NUMB: variants seen among roughly 807,000 people sequenced by gnomAD.
NUMB encodes the protein protein numb homolog.
In NUMB, 29 loss-of-function variants were observed where a neutral mutation model predicts 59.7. The ratio of observed to expected loss-of-function variants is 0.49; its 90% CI spans 0.36 to 0.66. The LOEUF (loss-of-function observed/expected upper bound fraction) is 0.66. Ranked by LOEUF, NUMB falls within the 30% of genes least tolerant of loss-of-function variation. The probability of loss-of-function intolerance (pLI) is 0.00; values close to 1 mark genes in which losing one functional copy is unlikely to be tolerated. For synonymous variants in NUMB, 288 were observed against 288.2 expected (o/e 1.00, Z 0.01); for missense variants, 723 against 822.0 (o/e 0.88, Z 1.47).
chr14:73,331,078 G>A (rs1344866689), intron 4 of NUMB, among the ~76,000 whole-genome samples: 1 of 151,512 alleles, frequency 6.6e-6, no homozygotes, highest in Non-Finnish European at 1.5e-5. Context: ...CTCTTCTATG[G>A]TCTATTATCT....
chr14:73,401,991 T>C (rs944008399), intron 2 of NUMB, among the ~76,000 whole-genome samples: 1 of 152,150 alleles, frequency 6.6e-6, no homozygotes. Flanking sequence ...CCTTCGTGAG[T>C]AGCTAGGACC....
chr14:73,446,444 A>G (rs1158503506), intron 1 of NUMB, among the ~76,000 whole-genome samples: 1 of 151,832 alleles, frequency 6.6e-6, no homozygotes, highest in African/African-American at 2.4e-5. Flanking sequence ...CGTCTCTACT[A>G]AAAAATACAA....
intron 8 of NUMB, among the ~76,000 whole-genome samples, chr14:73,291,850 A>AT (rs1258025317): frequency 6.7e-6 from 1 of 148,902 alleles, no homozygotes; most frequent in Admixed American, 6.7e-5. Context: ...CGCCCAGCTA[A>AT]TTTTTTTGTA....
chr14:73,352,452 A>C (rs1893361098), intron 4 of NUMB, among the ~76,000 whole-genome samples: 1 of 34,094 alleles, frequency 2.9e-5, no homozygotes, highest in African/African-American at 1.9e-4. Flanking sequence ...ACACACACAC[A>C]CACACATACA....
chr14:73,375,320 T>A (rs914569811), intron 2 of NUMB, among the ~76,000 whole-genome samples: 1 of 152,180 alleles, frequency 6.6e-6, no homozygotes, highest in African/African-American at 2.4e-5. Context: ...GTTTATTACT[T>A]CTTTTATATT....
At chr14:73,367,111 G>C (rs1232811615) in intron 2 of NUMB, 130 bp from the exon 3 acceptor site, 3 of 151,528 alleles carry the variant, frequency 2.0e-5, no homozygotes. Context: ...CATAAAACAA[G>C]ACTTTATTAT....
intron 7 of NUMB, among the ~76,000 whole-genome samples, chr14:73,293,533 A>G (rs1889549164): frequency 6.6e-6 from 1 of 151,626 alleles, no homozygotes; most frequent in Admixed American, 6.6e-5. Flanking sequence ...CTGGGACTAC[A>G]GGCGTGTGCC....
At chr14:73,384,725 G>A (rs1052521827) in intron 2 of NUMB, among the ~76,000 whole-genome samples, 3 of 117,390 alleles carry the variant, frequency 2.6e-5, no homozygotes, top group Non-Finnish European at 5.1e-5. Flanking sequence ...GTGCCACCAC[G>A]CCTGGCTTTT....
At chr14:73,383,912 G>A (rs900440259) in intron 2 of NUMB, among the ~76,000 whole-genome samples, 1 of 151,966 alleles carries the variant, frequency 6.6e-6, no homozygotes, top group African/African-American at 2.4e-5. Flanking sequence ...GCTACTGGGA[G>A]GGGCTGAGGC....
At chr14:73,281,714 T>A (rs1043155947) in intron 11 of NUMB, among the ~76,000 whole-genome samples, 1 of 152,252 alleles carries the variant, frequency 6.6e-6, no homozygotes, top group Non-Finnish European at 1.5e-5. Flanking sequence ...ACACTTGTTA[T>A]AGAAGATGAA....
At chr14:73,310,644 T>C (rs1230489088) in intron 6 of NUMB, among the ~76,000 whole-genome samples, 2 of 152,236 alleles carry the variant, frequency 1.3e-5, no homozygotes. Flanking sequence ...TCTCTGAGCT[T>C]CTGTTTATTC....
At chr14:73,352,459 T>TACACACACACACACACACACACACATAC (rs60134093) in intron 4 of NUMB, among the ~76,000 whole-genome samples, 3 of 19,502 alleles carry the variant, frequency 1.5e-4, no homozygotes, top group Non-Finnish European at 2.6e-4. Context: ...CACACACACA[T>TACACACACACACACACACACACACATAC]ACACACACAC....
At chr14:73,374,179 A>AT (rs968024966) in intron 2 of NUMB, among the ~76,000 whole-genome samples, 8 of 151,574 alleles carry the variant, frequency 5.3e-5, no homozygotes, top group African/African-American at 1.5e-4. Flanking sequence ...CGCTCAGCTA[A>AT]TTTTTTTTTA....
intron 2 of NUMB, among the ~76,000 whole-genome samples, chr14:73,378,685 G>A (rs1324456970): frequency 6.6e-6 from 1 of 152,162 alleles, no homozygotes; most frequent in Non-Finnish European, 1.5e-5. Flanking sequence ...CCAACTACAT[G>A]ACATTTTGGA....
At chr14:73,388,530 A>T (rs1416104820) in intron 2 of NUMB, among the ~76,000 whole-genome samples, 1 of 152,166 alleles carries the variant, frequency 6.6e-6, no homozygotes, top group East Asian at 1.9e-4. Flanking sequence ...AGCTAGGCTT[A>T]TGGCTGATCT....
chr14:73,422,234 T>C (rs571594301), intron 1 of NUMB, among the ~76,000 whole-genome samples: 1 of 152,270 alleles, frequency 6.6e-6, no homozygotes, highest in Non-Finnish European at 1.5e-5. Flanking sequence ...TTGTGGGATG[T>C]CAGGCACTCC....
At chr14:73,377,648 AAAC>A (rs374834634) in intron 2 of NUMB, among the ~76,000 whole-genome samples, 92 of 151,686 alleles carry the variant, frequency 6.1e-4, no homozygotes, top group African/African-American at 2.2e-3. Context: ...ACAAACAAAC[AAAC>A]AACAACAACA....
At chr14:73,422,742 A>G (rs1316604650) in intron 1 of NUMB, among the ~76,000 whole-genome samples, 6 of 152,074 alleles carry the variant, frequency 3.9e-5, no homozygotes, top group Admixed American at 2.0e-4. Flanking sequence ...CTCACTGAGC[A>G]AGACTCATTT....
intron 1 of NUMB, among the ~76,000 whole-genome samples, chr14:73,436,407 C>T (rs1488878577): frequency 6.6e-6 from 1 of 152,086 alleles, no homozygotes; most frequent in Admixed American, 6.5e-5. Context: ...ACCTCTGCCC[C>T]CTGGGTTCAA....
Sources: allele counts gnomAD v4.1 joint callset (sites outside exome capture counted in the v4.1 genomes callset), GRCh38; gene constraint gnomAD v4.1.1; transcripts MANE v1.5; gene names NCBI Gene and HGNC (gene_info 2026-07-23, HGNC 2026-07-21).